Variants in ADAMTS14 observed in about 807,000 individuals in gnomAD.
ADAMTS14 encodes the protein ADAM metallopeptidase with thrombospondin type 1 motif 14, also known as A disintegrin and metalloproteinase with thrombospondin motifs 14.
A neutral mutation model predicts 128.6 loss-of-function variants in ADAMTS14; 100 were observed. The observed-to-expected ratio is 0.78, with a 90% CI of 0.66 to 0.92. The LOEUF is 0.92. Ranked by LOEUF, ADAMTS14 falls within the 40% of genes least tolerant of loss-of-function variation. ADAMTS14 has a pLI of 0.00. For missense variants in ADAMTS14, 1,562 were observed against 1,658.6 expected, an observed-to-expected ratio of 0.94 and a Z score of 1.01; for synonymous variants, 665 against 653.8, an observed-to-expected ratio of 1.02 and a Z score of -0.26.
chr10:70,684,276 A>T lies in ADAMTS14; in HGVS notation c.522+9281A>T, dbSNP rs534756102. ...CTCTGTGATTCAATCACCTCCTAGC[A>T]GGCCCCACCTCTAACATTAGGGATT... is the stretch of plus-strand genomic sequence containing the variant. On this transcript the variant is annotated intron_variant, in intron 2 of 21. Coordinates refer to ENST00000373207, the MANE Select transcript of ADAMTS14 (RefSeq NM_080722.4). Among the ~76,000 whole-genome samples, 9 of 152,334 alleles carry T rather than the reference A, an allele frequency of 5.9e-5. No homozygotes were observed. The East Asian group carries it at 1.7e-3, about 29-fold the overall frequency.
chr10:70,743,234 A>G (rs1276389848), intron 12 of ADAMTS14, among the ~76,000 whole-genome samples: 1 of 152,260 alleles, frequency 6.6e-6, no homozygotes, highest in East Asian at 1.9e-4. Context: ...TATCTAGTAC[A>G]TAGTAAGCAT....
chr10:70,757,874 C>T, intron 19 of ADAMTS14, 88 bp from the exon 20 acceptor site: 1 of 1,503,138 alleles, frequency 6.7e-7, no homozygotes, highest in Non-Finnish European at 8.8e-7. Context: ...CGGGCACTGG[C>T]TGGGCTCTGA....
intron 2 of ADAMTS14, among the ~76,000 whole-genome samples, chr10:70,684,853 G>A (rs1224228219): frequency 6.6e-6 from 1 of 152,116 alleles, no homozygotes; most frequent in Non-Finnish European, 1.5e-5. Flanking sequence ...TGGGTCCTGG[G>A]TCCTGGGTCC....
At position 70,741,042 on chromosome 10, in the gene ADAMTS14, A is replaced by C; in HGVS notation, c.1804A>C (p.Asn602His). ...LGPMFEYQVC[N>H]SEECPGTYED... is the part of the protein sequence containing the mutation. ...GCCCATGTTCGAGTACCAGGTCTGCAACAGCGAGGAGTGCCCTGGGACCTA... is the reference window on the plus strand; with the variant it reads ...GCCCATGTTCGAGTACCAGGTCTGCCACAGCGAGGAGTGCCCTGGGACCTA... The change falls in exon 12 of 22, where the codon AAC becomes CAC. Residue 602 changes from asparagine to histidine, a missense_variant. By Grantham distance (68) the Asn-to-His change is moderately conservative. Transcript: ENST00000373207. 2 of 1,614,138 alleles carry C rather than the reference A, an allele frequency of 1.2e-6. No homozygotes were observed. Among genetic ancestry groups the C allele is most frequent in the Non-Finnish European group, 1.7e-6 (2 of 1,180,026 alleles).
Position 70,760,628 on chromosome 10 carries a change from A to C in ADAMTS14, c.3447A>C (p.Thr1149=), listed in dbSNP as rs1345175998. The C allele has an allele frequency of 1.2e-6, 2 of 1,613,996 alleles. No homozygotes were observed. The highest frequency in any genetic ancestry group is 3.3e-5 in the Admixed American group (2 of 60,000). Residue 1149 remains threonine, a synonymous_variant, in exon 22 of 22, where the codon ACA becomes ACC. Transcript: ENST00000373207. ...AGGACCATCAGCATGGCCGAGCCAC[A>C]CAGCTCCCAGGAGCTCTGGATACAA... The part of the protein sequence containing the change: ...GSEDHQHGRA[T]QLPGALDTSS...
At chr10:70,741,234 G>A in intron 12 of ADAMTS14, 72 bp downstream of exon 12, 6 of 1,534,978 alleles carry the variant, frequency 3.9e-6, no homozygotes, top group Non-Finnish European at 4.4e-6. Flanking sequence ...CCCAGGCAGG[G>A]CCTCCTACCC....
chr10:70,735,408 G>C, intron 9 of ADAMTS14, 107 bp downstream of exon 9: 1 of 1,448,306 alleles, frequency 6.9e-7, no homozygotes, highest in Non-Finnish European at 9.2e-7. Context: ...TGGCCAGTGG[G>C]CCTGGTGATG....
In ADAMTS14 at chr10:70,674,822, C is replaced by A; in HGVS notation, c.349C>A (p.Leu117Met). The change falls in exon 2 of 22, where the codon CTG becomes ATG. Residue 117 changes from leucine (L) to methionine (M), a missense_variant. Physicochemically the swap from Leu to Met is conservative, Grantham distance 15 (BLOSUM62 2). Coordinates refer to ENST00000373207, the MANE Select transcript of ADAMTS14 (RefSeq NM_080722.4). Reference protein sequence around the residue: ...YFNVTVFGKELHLRLRPNRRL... With the variant: ...YFNVTVFGKEMHLRLRPNRRL... ...CAATGTCACTGTTTTCGGGAAGGAA[C>A]TGCACTTGCGCCTGCGGCCCAATCG... is the stretch of plus-strand genomic sequence containing the variant. 1.2e-6 allele frequency: 2 copies of A among 1,613,950 alleles called. No individual in the cohort carries two copies. Among genetic ancestry groups the A allele is most frequent in the Non-Finnish European group, 1.7e-6 (2 of 1,180,040 alleles).
At chr10:70,729,952 C>A in intron 5 of ADAMTS14, 150 bp from the exon 6 acceptor site, 1 of 876,392 alleles carries the variant, frequency 1.1e-6, no homozygotes, top group Non-Finnish European at 1.7e-6. Flanking sequence ...GTGCCAGCAG[C>A]AGTTGAGTGG....
intron 9 of ADAMTS14, 101 bp from the exon 10 acceptor site, chr10:70,736,579 G>T: frequency 2.9e-6 from 3 of 1,034,182 alleles, no homozygotes; most frequent in Non-Finnish European, 4.1e-6. Context: ...CAGTGCCCTG[G>T]GTGCCTGCAC....
intron 2 of ADAMTS14, among the ~76,000 whole-genome samples, chr10:70,683,584 G>C (rs75337354): frequency 0.043 from 6,543 of 152,302 alleles, 176 homozygotes; most frequent in East Asian, 0.084. Context: ...GGGGAAATAG[G>C]CAGGGTGGGA....
chr10:70,740,973 T>G lies in ADAMTS14; in HGVS notation c.1749-14T>G. 6.2e-7 allele frequency: 1 copy of G among 1,611,732 alleles called. No homozygotes were observed. The highest frequency in any genetic ancestry group is 8.5e-7 in the Non-Finnish European group (1 of 1,178,138). On this transcript the variant is annotated splice_polypyrimidine_tract_variant and intron_variant, in intron 11 of 21. Coordinates refer to ENST00000373207, the MANE Select transcript of ADAMTS14 (RefSeq NM_080722.4). ...CAGCCAGCAAGGTCATCCATTTCTC[T>G]GTGTCTGTCCCAGCCCAGCCTATGG... is the stretch of plus-strand genomic sequence containing the variant.
At chr10:70,715,574 A>G (rs560503893) in intron 4 of ADAMTS14, among the ~76,000 whole-genome samples, 1 of 152,128 alleles carries the variant, frequency 6.6e-6, no homozygotes, top group Non-Finnish European at 1.5e-5. Flanking sequence ...AATGAAACCC[A>G]CTGCTGAGGT....
intron 3 of ADAMTS14, among the ~76,000 whole-genome samples, chr10:70,703,435 C>G (rs1190235126): frequency 6.6e-6 from 1 of 152,228 alleles, no homozygotes; most frequent in Non-Finnish European, 1.5e-5. Context: ...TCCTCACAGA[C>G]AGTGCATCCG....
chr10:70,712,073 A>G (rs1032942897), intron 4 of ADAMTS14, among the ~76,000 whole-genome samples: 2 of 152,074 alleles, frequency 1.3e-5, no homozygotes, highest in African/African-American at 4.8e-5. Flanking sequence ...GGGGAGGGAG[A>G]GGACGCCTAT....
intron 13 of ADAMTS14, 74 bp from the exon 14 acceptor site, chr10:70,743,992 G>GATGGGA: frequency 6.6e-7 from 1 of 1,520,898 alleles, no homozygotes; most frequent in African/African-American, 1.4e-5. Flanking sequence ...AGGGCCTGGG[G>GATGGGA]ATGGGAATGG....
intron 19 of ADAMTS14, 38 bp downstream of exon 19, chr10:70,754,045 G>C: frequency 6.8e-7 from 1 of 1,471,464 alleles, no homozygotes; most frequent in Non-Finnish European, 9.1e-7. Flanking sequence ...GCTTGGGGAG[G>C]AGGTGGGTCT....
intron 15 of ADAMTS14, among the ~76,000 whole-genome samples, chr10:70,746,545 C>T (rs1213556946): frequency 4.6e-5 from 7 of 152,280 alleles, no homozygotes; most frequent in South Asian, 2.1e-4. Context: ...CAGCGGCTCA[C>T]GCCTGTAATC....
intron 2 of ADAMTS14, among the ~76,000 whole-genome samples, chr10:70,701,860 G>A (rs1840502820): frequency 6.6e-6 from 1 of 152,172 alleles, no homozygotes; most frequent in South Asian, 2.1e-4. Context: ...GCACCTTAGG[G>A]ATAATGAGCC....
Sources: allele counts gnomAD v4.1 joint callset (sites outside exome capture counted in the v4.1 genomes callset), GRCh38; gene constraint gnomAD v4.1.1; transcripts MANE v1.5; gene names NCBI Gene and HGNC (gene_info 2026-07-23, HGNC 2026-07-21).